TRIP4: variants seen among roughly 807,000 people sequenced by gnomAD.
The protein encoded by TRIP4 is thyroid hormone receptor interactor 4.
In TRIP4, 54 loss-of-function variants were observed where a neutral mutation model predicts 81.8. The observed-to-expected ratio is 0.66, with a 90% confidence interval of 0.53 to 0.83. The LOEUF is 0.83. Among genes scored for constraint, TRIP4 ranks in the 40% least tolerant of loss-of-function variants. The pLI, the probability that TRIP4 is intolerant of heterozygous loss-of-function variation, is 0.00. For synonymous variants in TRIP4, 270 were observed against 242.8 expected, an observed-to-expected ratio of 1.11 and a Z score of -1.04; for missense variants, 662 against 683.6, an observed-to-expected ratio of 0.97 and a Z score of 0.35.
chr15:64,411,003 T>C (rs1047539834), intron 7 of TRIP4, among the ~76,000 whole-genome samples: 3 of 152,200 alleles, frequency 2.0e-5, no homozygotes, highest in Admixed American at 6.5e-5. Flanking sequence ...GCTCATCAAA[T>C]TTGGCTTAAA....
intron 7 of TRIP4, among the ~76,000 whole-genome samples, chr15:64,412,357 G>A (rs923318217): frequency 7.9e-5 from 12 of 151,622 alleles, no homozygotes; most frequent in African/African-American, 2.9e-4. Context: ...ATTTTTCCTT[G>A]GTTTGGAAAT....
intron 9 of TRIP4, among the ~76,000 whole-genome samples, chr15:64,420,957 G>A (rs1891998222): frequency 6.6e-6 from 1 of 152,074 alleles, no homozygotes; most frequent in African/African-American, 2.4e-5. Flanking sequence ...ATACACGCAT[G>A]TGCTGCATAA....
intron 3 of TRIP4, among the ~76,000 whole-genome samples, chr15:64,396,389 G>A (rs1900296483): frequency 6.8e-6 from 1 of 146,122 alleles, no homozygotes. Flanking sequence ...CGATTCTCCT[G>A]CCTCAGTCTC....
At chr15:64,413,543 G>A in intron 7 of TRIP4, among the ~76,000 whole-genome samples, 1 of 151,850 alleles carries the variant, frequency 6.6e-6, no homozygotes, top group East Asian at 1.9e-4. Context: ...ACTGTAGCGT[G>A]CCCTATGTAT....
chr15:64,410,643 C>A (rs1891740437), intron 7 of TRIP4, among the ~76,000 whole-genome samples: 2 of 152,044 alleles, frequency 1.3e-5, no homozygotes, highest in Middle Eastern at 3.4e-3. Flanking sequence ...GAAAGAAATA[C>A]AGAATTATAG....
At position 64,392,456 on chromosome 15, in the gene TRIP4, C is replaced by G. The variant is rs1566970832; in HGVS notation, c.102-1490C>G. 2.6e-5 allele frequency among the ~76,000 whole-genome samples: 4 copies of G among 152,188 alleles called. No individual in the cohort carries two copies. The East Asian group carries it at 7.7e-4, about 29-fold the overall frequency. ...CTGAAAAACCATTGTCTTTTCTAAT[C>G]CATAGTAATTAGAAGATGCCTGTTT... On this transcript the variant is annotated intron_variant, in intron 1 of 12. Transcript: ENST00000261884.
intron 11 of TRIP4, among the ~76,000 whole-genome samples, chr15:64,443,482 AG>A (rs1892562481): frequency 6.6e-6 from 1 of 152,222 alleles, no homozygotes; most frequent in South Asian, 2.1e-4. Flanking sequence ...CTGTAGAATT[AG>A]GTTTGGAGAT....
rs1178990911 is a variant in TRIP4, at chr15:64,430,802, A to G, written c.1575+5171A>G. ...TCTTACAGCTTTTACAATAGCCAAG[A>G]CCCTATCTTCAAGGAATTATGCTGA... On this transcript the variant is annotated intron_variant, in intron 11 of 12. Coordinates refer to ENST00000261884, the MANE Select transcript of TRIP4 (RefSeq NM_016213.5). Among the ~76,000 whole-genome samples, 3 of 152,104 alleles carry G rather than the reference A, an allele frequency of 2.0e-5. No homozygotes were observed. In the East Asian group the frequency reaches 5.8e-4, roughly 29 times the overall value.
chr15:64,424,316 C>G (rs371180235), intron 10 of TRIP4, 161 bp downstream of exon 10: 2 of 958,278 alleles, frequency 2.1e-6, no homozygotes. Context: ...TGACAGCGTT[C>G]AAAGCATTAA....
At chr15:64,421,219 T>C (rs1213602478) in intron 9 of TRIP4, among the ~76,000 whole-genome samples, 1 of 148,768 alleles carries the variant, frequency 6.7e-6, no homozygotes, top group Non-Finnish European at 1.5e-5. Context: ...GAGGTGGAGG[T>C]TGCAGTGAGC....
At chr15:64,447,913 T>G (rs968084875) in intron 12 of TRIP4, among the ~76,000 whole-genome samples, 1 of 152,210 alleles carries the variant, frequency 6.6e-6, no homozygotes, top group African/African-American at 2.4e-5. Flanking sequence ...GGTCTCACTA[T>G]GTTGCCCAGT....
At chr15:64,437,780 C>T (rs1187538427) in intron 11 of TRIP4, among the ~76,000 whole-genome samples, 1 of 152,168 alleles carries the variant, frequency 6.6e-6, no homozygotes, top group African/African-American at 2.4e-5. Context: ...CGGCCTGAGC[C>T]ACCACACCCA....
At chr15:64,452,614 G>C (rs1316235000) in intron 12 of TRIP4, among the ~76,000 whole-genome samples, 1 of 152,142 alleles carries the variant, frequency 6.6e-6, no homozygotes, top group Non-Finnish European at 1.5e-5. Context: ...GTGTTAGTAA[G>C]GGCTTTTTCC....
intron 7 of TRIP4, among the ~76,000 whole-genome samples, chr15:64,411,722 C>G (rs1023838302): frequency 5.9e-5 from 9 of 151,788 alleles, no homozygotes; most frequent in African/African-American, 1.9e-4. Context: ...CTCTGTTGCC[C>G]AGGCTGGAGT....
intron 3 of TRIP4, among the ~76,000 whole-genome samples, chr15:64,396,570 T>G (rs1017840229): frequency 6.6e-6 from 1 of 152,178 alleles, no homozygotes; most frequent in Non-Finnish European, 1.5e-5. Context: ...TGAGCAACTG[T>G]GCCCAGCCAG....
rs1005584952 is a variant in TRIP4, at chr15:64,407,560, G to A, written c.827+1101G>A. On this transcript the variant is annotated intron_variant, in intron 6 of 12. Coordinates refer to ENST00000261884, the MANE Select transcript of TRIP4 (RefSeq NM_016213.5). ...CAGGTGCCTGTAGTCCCAGGTACTC[G>A]GGAGGCTGAGGCAGGAGAATGGCAT... Among the ~76,000 whole-genome samples the A allele has an allele frequency of 3.3e-5, 5 of 152,046 alleles. No homozygotes were observed. The South Asian group carries it at 1.0e-3, about 32-fold the overall frequency.
chr15:64,442,433 T>A (rs1357790869), intron 11 of TRIP4, among the ~76,000 whole-genome samples: 1 of 152,044 alleles, frequency 6.6e-6, no homozygotes, highest in South Asian at 2.1e-4. Context: ...TGTGCCACTA[T>A]GCTTGGCTAA....
intron 8 of TRIP4, 49 bp from the exon 9 acceptor site, chr15:64,418,492 C>A (rs751204586): frequency 1.3e-5 from 19 of 1,514,990 alleles, no homozygotes; most frequent in Non-Finnish European, 1.7e-5. Context: ...CTACCTACCC[C>A]AGATTCTTGC....
At chr15:64,415,636 A>G (rs943402370) in intron 8 of TRIP4, among the ~76,000 whole-genome samples, 3 of 152,164 alleles carry the variant, frequency 2.0e-5, no homozygotes, top group African/African-American at 7.2e-5. Flanking sequence ...CTCTCCTCTT[A>G]CAAGGATACA....
Sources: gnomAD v4.1 joint callset for allele counts (sites outside exome capture counted in the v4.1 genomes callset) on GRCh38, gnomAD v4.1.1 for gene constraint, MANE v1.5 for transcripts, NCBI Gene and HGNC (gene_info 2026-07-23, HGNC 2026-07-21) for gene names.